Variants in ARID1B observed in about 807,000 individuals in gnomAD.
ARID1B encodes AT-rich interactive domain-containing protein 1B.
Under a neutral mutation model 212.3 loss-of-function variants are expected in ARID1B, and 30 were observed. That is an observed-to-expected ratio of 0.14 (90% CI 0.11 to 0.19). The LOEUF is 0.19. Among genes scored for constraint, ARID1B ranks in the 10% least tolerant of loss-of-function variants. The pLI is 1.00. For synonymous variants in ARID1B, 1,402 were observed against 1,301.7 expected (o/e 1.08, Z -1.66); for missense variants, 2,891 against 3,204.0 (o/e 0.90, Z 2.36).
At chr6:157,139,466 T>C (rs2128604841) in intron 7 of ARID1B, among the ~76,000 whole-genome samples, 1 of 152,282 alleles carries the variant, frequency 6.6e-6, no homozygotes, top group Non-Finnish European at 1.5e-5. Flanking sequence ...TCCCTCCACC[T>C]GTGGTTAGCG....
intron 7 of ARID1B, among the ~76,000 whole-genome samples, chr6:157,147,665 C>T (rs1789874195): frequency 2.4e-5 from 3 of 124,450 alleles, no homozygotes; most frequent in Non-Finnish European, 5.0e-5. Context: ...GCCCGCCAGC[C>T]CTCACCCCCG....
At chr6:157,001,236 A>T (rs1778897038) in intron 4 of ARID1B, among the ~76,000 whole-genome samples, 1 of 152,184 alleles carries the variant, frequency 6.6e-6, no homozygotes, top group African/African-American at 2.4e-5. Flanking sequence ...TTGCCACAGC[A>T]CCCAGATTGA....
At chr6:156,900,973 C>T (rs1029501853) in intron 2 of ARID1B, among the ~76,000 whole-genome samples, 3 of 152,270 alleles carry the variant, frequency 2.0e-5, no homozygotes, top group African/African-American at 7.2e-5. Context: ...AAACCACAGG[C>T]CTTCTGTAAA....
chr6:156,912,994 C>G (rs1790017639), intron 3 of ARID1B, among the ~76,000 whole-genome samples: 1 of 149,382 alleles, frequency 6.7e-6, no homozygotes, highest in African/African-American at 2.5e-5. Context: ...TTCAACTATT[C>G]TATTGAAATG....
intron 4 of ARID1B, chr6:157,022,927 G>T (rs573841050): frequency 1.4e-5 from 2 of 145,660 alleles, no homozygotes; most frequent in South Asian, 4.4e-4. Flanking sequence ...AAATGGCCTT[G>T]AAGAGTTCTG....
chr6:157,151,346 C>CA (rs1254581035), intron 8 of ARID1B: 3 of 152,214 alleles, frequency 2.0e-5, no homozygotes, highest in Non-Finnish European at 4.4e-5. Context: ...ACAAGAGACT[C>CA]ACTGCAGTTG....
At chr6:157,143,148 C>G (rs1789490964) in intron 7 of ARID1B, among the ~76,000 whole-genome samples, 1 of 152,110 alleles carries the variant, frequency 6.6e-6, no homozygotes, top group African/African-American at 2.4e-5. Flanking sequence ...GACCAATTTT[C>G]CAAAGCTAGT....
At chr6:157,062,403 G>T (rs1221550963) in intron 4 of ARID1B, among the ~76,000 whole-genome samples, 1 of 151,806 alleles carries the variant, frequency 6.6e-6, no homozygotes, top group East Asian at 1.9e-4. Context: ...TCACTGCATT[G>T]CCCAGGCTGG....
intron 4 of ARID1B, among the ~76,000 whole-genome samples, chr6:157,021,561 G>T (rs12196215): frequency 6.6e-6 from 1 of 152,184 alleles, no homozygotes; most frequent in South Asian, 2.1e-4. Context: ...GGGACAGGGG[G>T]ACGAAAACAA....
In ARID1B at chr6:157,184,170, C is replaced by T. The variant is rs1792786762; in HGVS notation, c.3715-61C>T. 4.7e-6 allele frequency: 7 copies of T among 1,478,304 alleles called. No homozygotes were observed. In the African/African-American group the frequency reaches 5.6e-5, roughly 12 times the overall value. The allele number at this position is 1,478,304 out of a possible 1,614,324, so 91.6% of individuals were successfully genotyped here. A position where few individuals can be genotyped will look rare whatever the true frequency, so the allele number is the denominator to read the frequency against. Reference sequence around the variant, plus strand: ...CCAAGACATTAAGTGCTTTTTTTGTCTCCTGGCTTTAAACAAGCCACTTTG... The same window carrying T: ...CCAAGACATTAAGTGCTTTTTTTGTTTCCTGGCTTTAAACAAGCCACTTTG... On this transcript the variant is annotated intron_variant, in intron 12 of 19. Coordinates refer to ENST00000636930, the MANE Select transcript of ARID1B (RefSeq NM_001374828.1).
chr6:157,027,900 A>G (rs1366737990), intron 4 of ARID1B, among the ~76,000 whole-genome samples: 1 of 152,204 alleles, frequency 6.6e-6, no homozygotes, highest in Non-Finnish European at 1.5e-5. Flanking sequence ...CACAATTTTT[A>G]TCTTTTAGTA....
upstream of ARID1B, chr6:156,777,358 G>T (rs1778683990): frequency 6.6e-6 from 1 of 151,480 alleles, no homozygotes. Flanking sequence ...ATAGTTGCTC[G>T]AGCTCGCCCG....
rs184457202 is a variant in ARID1B at position 157,108,814 on chromosome 6, G to A, written c.2492-1658G>A. On this transcript the variant is annotated intron_variant, in intron 5 of 19. Coordinates refer to ENST00000636930, the MANE Select transcript of ARID1B (RefSeq NM_001374828.1). ...AGGTCTTTTATCCCGACTAGTTATGGTTCTAATGTAAAAAGCAGCTTCTAG... is the reference window on the plus strand; with the variant it reads ...AGGTCTTTTATCCCGACTAGTTATGATTCTAATGTAAAAAGCAGCTTCTAG... 3.0e-4 allele frequency among the ~76,000 whole-genome samples: 46 copies of A among 152,176 alleles called. 1 individual carries two copies. Among genetic ancestry groups the A allele is most frequent in the Admixed American group, 3.0e-3 (46 of 15,286 alleles).
chr6:156,856,693 C>CTG (rs1784959611), intron 2 of ARID1B, among the ~76,000 whole-genome samples: 1 of 82,992 alleles, frequency 1.2e-5, no homozygotes, highest in African/African-American at 4.7e-5. Context: ...CTCTCTCTCT[C>CTG]TCTCTCTCAC....
intron 4 of ARID1B, chr6:156,977,103 A>G: frequency 3.5e-6 from 1 of 288,388 alleles, no homozygotes; most frequent in Admixed American, 4.2e-5. Context: ...AAAAAAAAAA[A>G]AAAAAGATTT....
intron 1 of ARID1B, among the ~76,000 whole-genome samples, chr6:156,800,757 A>T (rs1780722947): frequency 6.6e-6 from 1 of 152,090 alleles, no homozygotes; most frequent in South Asian, 2.1e-4. Context: ...AAATTAAAAA[A>T]TTAGCCAGGC....
At chr6:156,957,062 T>C (rs1335926379) in intron 4 of ARID1B, among the ~76,000 whole-genome samples, 2 of 152,238 alleles carry the variant, frequency 1.3e-5, no homozygotes, top group African/African-American at 4.8e-5. Context: ...CATTTAAAAT[T>C]ACCTCATTTT....
rs555625059 is a variant in ARID1B, at chr6:156,778,097, C to T, written c.417C>T (p.Gly139=). The T allele has an allele frequency of 6.5e-7, 1 of 1,540,688 alleles. No individual in the cohort carries two copies. Among genetic ancestry groups the T allele is most frequent in the Non-Finnish European group, 8.7e-7 (1 of 1,146,268 alleles). Residue 139 remains glycine, a synonymous_variant, in exon 1 of 20, where the codon GGC becomes GGT. Coordinates refer to ENST00000636930, the MANE Select transcript of ARID1B (RefSeq NM_001374828.1). ...AASSSSSSGP[G]SAMETGLLPN... ...CCTCTTCCTCCTCGTCGGGCCCGGG[C>T]TCGGCCATGGAGACGGGGCTGCTCC...
At chr6:157,059,336 A>G (rs1266845447) in intron 4 of ARID1B, among the ~76,000 whole-genome samples, 1 of 152,232 alleles carries the variant, frequency 6.6e-6, no homozygotes, top group Non-Finnish European at 1.5e-5. Context: ...AATGGTTTAC[A>G]GAATCAGCTA....
Sources: allele counts gnomAD v4.1 joint callset (sites outside exome capture counted in the v4.1 genomes callset), GRCh38; gene constraint gnomAD v4.1.1; transcripts MANE v1.5; gene names NCBI Gene and HGNC (gene_info 2026-07-23, HGNC 2026-07-21).